Variants in RLIG1 observed in about 807,000 individuals in gnomAD.
RLIG1 encodes RNA 5'-phosphate and 3'-OH ligase 1, also known as RNA ligase 1.
the RLIG1 span, among the ~76,000 whole-genome samples, chr12:88,039,211 A>G: frequency 6.6e-6 from 1 of 152,172 alleles, no homozygotes. Context: ...AGTATGAACT[A>G]TCTTCCGTCT....
chr12:88,038,062 T>TA, the RLIG1 span, among the ~76,000 whole-genome samples: 347 of 152,312 alleles, frequency 2.3e-3, 1 homozygote, highest in Non-Finnish European at 4.1e-3. Flanking sequence ...AAGTGATTCT[T>TA]ACTAGTTTTA....
the RLIG1 span, chr12:88,041,967 A>C: frequency 3.9e-5 from 6 of 152,220 alleles, no homozygotes; most frequent in African/African-American, 1.2e-4. Flanking sequence ...AATGCTTACA[A>C]ATCCACATTT....
At chr12:88,041,170 G>C in the RLIG1 span, among the ~76,000 whole-genome samples, 4 of 152,070 alleles carry the variant, frequency 2.6e-5, no homozygotes, top group African/African-American at 9.7e-5. Flanking sequence ...ACTACTCTAG[G>C]TATTTCATAT....
At chr12:88,043,947 G>A in the RLIG1 span, 1 of 506,284 alleles carries the variant, frequency 2.0e-6, no homozygotes, top group Non-Finnish European at 3.5e-6. Context: ...TTTTTTACTA[G>A]CTGTAGTCTG....
chr12:88,036,009 A>C, the RLIG1 span: 1 of 1,492,306 alleles, frequency 6.7e-7, no homozygotes, highest in Non-Finnish European at 8.9e-7. Context: ...GAAATGGATA[A>C]CTCACATCCA....
chr12:88,043,182 CAA>C, the RLIG1 span, among the ~76,000 whole-genome samples: 3 of 151,890 alleles, frequency 2.0e-5, no homozygotes, highest in Admixed American at 6.6e-5. Flanking sequence ...GTGTAAGAGA[CAA>C]ATACGTAATT....
At chr12:88,037,083 A>G in the RLIG1 span, among the ~76,000 whole-genome samples, 1 of 152,196 alleles carries the variant, frequency 6.6e-6, no homozygotes, top group Non-Finnish European at 1.5e-5. Flanking sequence ...ATGAGGCTCA[A>G]TCTACCTTCC....
the RLIG1 span, chr12:88,040,110 T>A: frequency 8.8e-7 from 1 of 1,132,818 alleles, no homozygotes; most frequent in Non-Finnish European, 1.3e-6. Flanking sequence ...ATAGAGGCTA[T>A]CTATCTTAAA....
the RLIG1 span, chr12:88,042,235 T>C: frequency 2.0e-5 from 3 of 152,074 alleles, no homozygotes; most frequent in Non-Finnish European, 4.4e-5. Flanking sequence ...GCTGGTCACG[T>C]AGGTAGGCAG....
At chr12:88,043,165 A>G in the RLIG1 span, among the ~76,000 whole-genome samples, 1 of 152,218 alleles carries the variant, frequency 6.6e-6, no homozygotes, top group South Asian at 2.1e-4. Context: ...GAAATGAGTG[A>G]CATTTTGTGT....
At chr12:88,035,981 C>A in the RLIG1 span, 3 of 1,517,390 alleles carry the variant, frequency 2.0e-6, no homozygotes, top group Non-Finnish European at 2.6e-6. Context: ...TCAGGAGATT[C>A]AAACTTGTCC....
the RLIG1 span, chr12:88,049,706 G>A: frequency 4.7e-6 from 1 of 211,634 alleles, no homozygotes; most frequent in Non-Finnish European, 9.2e-6. Context: ...ATAAGAGCTT[G>A]TCAATAGAGC....
At chr12:88,038,702 C>T in the RLIG1 span, among the ~76,000 whole-genome samples, 1 of 152,092 alleles carries the variant, frequency 6.6e-6, no homozygotes, top group Non-Finnish European at 1.5e-5. Context: ...ATTTGTTGAA[C>T]TTTATGATGA....
At chr12:88,041,817 T>G in the RLIG1 span, 1 of 152,186 alleles carries the variant, frequency 6.6e-6, no homozygotes, top group Non-Finnish European at 1.5e-5. Flanking sequence ...AACCTTGGAT[T>G]TGTATACTTG....
chr12:88,049,461 AT>A, the RLIG1 span: 3 of 978,530 alleles, frequency 3.1e-6, no homozygotes, highest in Non-Finnish European at 4.6e-6. Flanking sequence ...AAATATACAT[AT>A]TTTACGTTTG....
the RLIG1 span, chr12:88,047,099 T>G: frequency 7.9e-6 from 8 of 1,017,414 alleles, no homozygotes; most frequent in Non-Finnish European, 1.1e-5. Flanking sequence ...GAAATTTAAT[T>G]TTCTCATCCC....
At chr12:88,049,497 T>C in the RLIG1 span, 8 of 757,812 alleles carry the variant, frequency 1.1e-5, no homozygotes, top group Admixed American at 5.8e-5. Context: ...ATTGTAAATA[T>C]GAAAGCCAAA....
At chr12:88,048,621 A>AACAT in the RLIG1 span, 1 of 383,350 alleles carries the variant, frequency 2.6e-6, no homozygotes, top group Non-Finnish European at 4.5e-6. Flanking sequence ...TAGCCATAAA[A>AACAT]ACATAAGTAA....
At chr12:88,049,236 G>A in the RLIG1 span, 1 of 1,608,642 alleles carries the variant, frequency 6.2e-7, no homozygotes, top group Non-Finnish European at 8.5e-7. Context: ...AAACTCTTCA[G>A]AAGCAGCAAC....
Sources: gnomAD v4.1 joint callset for allele counts (sites outside exome capture counted in the v4.1 genomes callset) on GRCh38, gnomAD v4.1.1 for gene constraint, MANE v1.5 for transcripts, NCBI Gene and HGNC (gene_info 2026-07-23, HGNC 2026-07-21) for gene names.